The following OSBPL10 variants were observed in gnomAD, a reference collection of about 807,000 sequenced individuals.
OSBPL10 encodes oxysterol binding protein like 10.
In OSBPL10, 49 loss-of-function variants were observed where a neutral mutation model predicts 81.7. The observed-to-expected ratio is 0.60, with a 90% confidence interval of 0.48 to 0.76. The LOEUF (loss-of-function observed/expected upper bound fraction) is 0.76. Among genes scored for constraint, OSBPL10 ranks in the 30% least tolerant of loss-of-function variants. OSBPL10 has a pLI of 0.00. For synonymous variants in OSBPL10, 419 were observed against 383.6 expected (o/e 1.09, Z -1.08); for missense variants, 923 against 987.8 (o/e 0.93, Z 0.88).
intron 5 of OSBPL10, among the ~76,000 whole-genome samples, chr3:31,745,235 G>A (rs1015021640): frequency 1.3e-5 from 2 of 152,176 alleles, no homozygotes; most frequent in South Asian, 2.1e-4. Flanking sequence ...GACTATACTC[G>A]TTAATTTACT....
chr3:31,783,823 AATATATATATATATATATAT>A (rs60886858), intron 4 of OSBPL10, among the ~76,000 whole-genome samples: 11 of 16,736 alleles, frequency 6.6e-4, no homozygotes, highest in South Asian at 4.5e-3. Flanking sequence ...AAAAAAAAAA[AATATATATATATATATATAT>A]ATATATATAT....
intron 1 of OSBPL10, among the ~76,000 whole-genome samples, chr3:31,887,535 A>C (rs986129731): frequency 6.6e-6 from 1 of 152,202 alleles, no homozygotes; most frequent in Non-Finnish European, 1.5e-5. Context: ...CGGTGAAGGA[A>C]AGAAAGCATA....
chr3:31,938,185 C>T (rs904537006), intron 1 of OSBPL10, among the ~76,000 whole-genome samples: 3 of 152,100 alleles, frequency 2.0e-5, no homozygotes, highest in Non-Finnish European at 2.9e-5. Context: ...TTTGCTAGCA[C>T]CTCTATTTTC....
At chr3:31,775,281 A>G (rs1387141784) in intron 4 of OSBPL10, among the ~76,000 whole-genome samples, 5 of 152,106 alleles carry the variant, frequency 3.3e-5, no homozygotes, top group Non-Finnish European at 5.9e-5. Flanking sequence ...ATCTGAGGGA[A>G]CATGCAAAGG....
rs1697477593 is a variant in OSBPL10 at position 31,745,019 on chromosome 3, A to G, written c.940+2891T>C. Among the ~76,000 whole-genome samples the G allele has an allele frequency of 1.3e-5, 2 of 152,230 alleles. 1 individual carries two copies. Among genetic ancestry groups the G allele is most frequent in the South Asian group, 4.1e-4 (2 of 4,824 alleles). ...TTGTGCCCAGTCCTCAGCGAGGGTC[A>G]CTGAGGCTCATTCCAGATCAGAAAA... is the stretch of plus-strand genomic sequence containing the variant. On this transcript the variant is annotated intron_variant, in intron 5 of 11. Coordinates refer to ENST00000396556, the MANE Select transcript of OSBPL10 (RefSeq NM_017784.5).
At chr3:31,809,542 T>A (rs1699617539) in intron 4 of OSBPL10, among the ~76,000 whole-genome samples, 1 of 152,156 alleles carries the variant, frequency 6.6e-6, no homozygotes, top group Admixed American at 6.5e-5. Flanking sequence ...GCCAGTAGGG[T>A]GGTGGTGGAC....
At chr3:32,057,719 A>G (rs1699723555) in intron 1 of OSBPL10, among the ~76,000 whole-genome samples, 1 of 152,196 alleles carries the variant, frequency 6.6e-6, no homozygotes, top group Non-Finnish European at 1.5e-5. Flanking sequence ...TATGAGGATT[A>G]TAATTCAAAT....
intron 2 of OSBPL10, among the ~76,000 whole-genome samples, chr3:32,041,457 C>A (rs1228538582): frequency 1.3e-5 from 2 of 152,078 alleles, no homozygotes; most frequent in Admixed American, 1.3e-4. Flanking sequence ...GCTGGAAACA[C>A]CCCGTGAGGT....
At chr3:32,024,701 T>C (rs779935742) in intron 2 of OSBPL10, among the ~76,000 whole-genome samples, 43 of 152,194 alleles carry the variant, frequency 2.8e-4, no homozygotes, top group Non-Finnish European at 5.0e-4. Flanking sequence ...GCCAGGCTGG[T>C]CTAGAACTCC....
At chr3:31,944,785 T>G (rs76899239) in intron 1 of OSBPL10, among the ~76,000 whole-genome samples, 1 of 141,142 alleles carries the variant, frequency 7.1e-6, no homozygotes, top group African/African-American at 2.6e-5. Flanking sequence ...GAGCTATGAT[T>G]GCACCACTAC....
chr3:31,879,877 C>A, intron 1 of OSBPL10, 47 bp from the exon 2 acceptor site: 1 of 1,565,026 alleles, frequency 6.4e-7, no homozygotes, highest in Non-Finnish European at 8.6e-7. Context: ...CTACCCTATT[C>A]TGCACAGCAA....
intron 1 of OSBPL10, among the ~76,000 whole-genome samples, chr3:31,954,053 A>G (rs543905890): frequency 6.6e-6 from 1 of 152,258 alleles, no homozygotes; most frequent in Non-Finnish European, 1.5e-5. Context: ...TGCACAAAGC[A>G]TGTCAAAATC....
intron 1 of OSBPL10, among the ~76,000 whole-genome samples, chr3:31,944,024 A>C (rs1442862595): frequency 6.6e-6 from 1 of 151,216 alleles, no homozygotes; most frequent in Non-Finnish European, 1.5e-5. Context: ...TTAATATATG[A>C]ATAATATTTC....
Position 31,778,758 on chromosome 3 carries a change from C to T in OSBPL10, c.730-30638G>A, listed in dbSNP as rs1698612739. Among the ~76,000 whole-genome samples, 4 of 152,092 alleles carry T rather than the reference C, an allele frequency of 2.6e-5. No individual in the cohort carries two copies. In the South Asian group the frequency reaches 8.3e-4, roughly 32 times the overall value. On this transcript the variant is annotated intron_variant, in intron 4 of 11. Coordinates refer to ENST00000396556, the MANE Select transcript of OSBPL10 (RefSeq NM_017784.5). ...TAATAATAATAATCACTGAGGCCCA[C>T]AGTCATCAGGTTATCTAGAGTCAAG...
intron 4 of OSBPL10, chr3:31,795,960 AT>A: frequency 4.4e-6 from 1 of 229,752 alleles, no homozygotes. Context: ...ATGGGAAATC[AT>A]TTTCTTACAG....
In OSBPL10 at chr3:31,752,754, C is replaced by T. The variant is rs533230818; in HGVS notation, c.730-4634G>A. Among the ~76,000 whole-genome samples, 23 of 152,334 alleles carry T rather than the reference C, an allele frequency of 1.5e-4. No individual in the cohort carries two copies. In the South Asian group the frequency reaches 2.9e-3, roughly 19 times the overall value. On this transcript the variant is annotated intron_variant, in intron 4 of 11. Transcript: ENST00000396556. ...ATAAGGGCCTCATTTGTCTTGACTG[C>T]TTCGGATTTTTCTGAGCTGTAAACC...
intron 10 of OSBPL10, among the ~76,000 whole-genome samples, chr3:31,666,133 A>C (rs73826836): frequency 0.052 from 7,896 of 152,176 alleles, 695 homozygotes; most frequent in African/African-American, 0.18. Context: ...TGCTCTGAGG[A>C]GGGGAGGGCA....
intron 1 of OSBPL10, among the ~76,000 whole-genome samples, chr3:31,910,640 A>AAAAAAT (rs1280757072): frequency 6.6e-6 from 1 of 152,014 alleles, no homozygotes; most frequent in Non-Finnish European, 1.5e-5. Flanking sequence ...TAGCTCAAAA[A>AAAAAAT]AAAAATAAAA....
At chr3:31,778,112 G>T (rs963884585) in intron 4 of OSBPL10, among the ~76,000 whole-genome samples, 2 of 152,232 alleles carry the variant, frequency 1.3e-5, no homozygotes, top group Non-Finnish European at 2.9e-5. Context: ...GAAAGCCATG[G>T]TTGCTTTCTC....
Sources: gnomAD v4.1 joint callset for allele counts (sites outside exome capture counted in the v4.1 genomes callset) on GRCh38, gnomAD v4.1.1 for gene constraint, MANE v1.5 for transcripts, NCBI Gene and HGNC (gene_info 2026-07-23, HGNC 2026-07-21) for gene names.